Variants in AFG1L observed in about 807,000 individuals in gnomAD.
AFG1L encodes AFG1 like ATPase, also known as AFG1-like ATPase.
In AFG1L, 53 loss-of-function variants were observed where a neutral mutation model predicts 62.2. The ratio of observed to expected loss-of-function variants is 0.85; its 90% confidence interval spans 0.68 to 1.07. AFG1L has a LOEUF of 1.07. Ranked by LOEUF, AFG1L falls within the 50% of genes least tolerant of loss-of-function variation. AFG1L has a pLI of 0.00. For missense variants in AFG1L, 555 were observed against 590.5 expected (o/e 0.94, Z 0.62); for synonymous variants, 228 against 210.3 (o/e 1.08, Z -0.73).
chr6:108,448,435 T>C (rs1259236703), intron 8 of AFG1L, among the ~76,000 whole-genome samples: 3 of 152,184 alleles, frequency 2.0e-5, no homozygotes, highest in African/African-American at 7.2e-5. Flanking sequence ...AATGCATTAA[T>C]TAATTATTAT....
chr6:108,402,467 T>TA (rs55775052), intron 7 of AFG1L, among the ~76,000 whole-genome samples: 203 of 91,150 alleles, frequency 2.2e-3, no homozygotes, highest in South Asian at 5.2e-3. Flanking sequence ...CCGTCTCGAA[T>TA]AAAAAAAAAA....
At chr6:108,482,619 G>C (rs1412325939) in intron 10 of AFG1L, among the ~76,000 whole-genome samples, 1 of 151,874 alleles carries the variant, frequency 6.6e-6, no homozygotes, top group African/African-American at 2.4e-5. Context: ...GTCTCCTTAG[G>C]CTTCTCTTGG....
chr6:108,326,733 G>A (rs1046098546), intron 2 of AFG1L, among the ~76,000 whole-genome samples: 1 of 152,140 alleles, frequency 6.6e-6, no homozygotes, highest in Non-Finnish European at 1.5e-5. Flanking sequence ...GCCGAGGTGG[G>A]CAGATCACCT....
chr6:108,460,396 T>C (rs1177292308), intron 8 of AFG1L, among the ~76,000 whole-genome samples: 2 of 152,218 alleles, frequency 1.3e-5, no homozygotes, highest in Admixed American at 6.5e-5. Context: ...CTGTCTCCTA[T>C]AGACAGCATG....
At position 108,519,777 on chromosome 6, in the gene AFG1L, C is replaced by T. The variant is rs1210749775; in HGVS notation, c.1284C>T (p.Ser428=). Residue 428 remains serine (S), a synonymous_variant, in exon 12 of 13, where the codon AGC becomes AGT. Transcript: ENST00000368977. The stretch of plus-strand genomic sequence containing the variant: ...ATCATGACAGTGAGTTGGAGCAAAG[C>T]AGAATACTGATGGATGATTTGGGGC... The part of the protein sequence containing the change: ...HQHHDSELEQ[S]RILMDDLGLS... 1.2e-6 allele frequency: 2 copies of T among 1,612,766 alleles called. No homozygotes were observed. The highest frequency in any genetic ancestry group is 2.7e-5 in the African/African-American group (2 of 74,880).
At chr6:108,483,355 A>G (rs1268730815) in intron 10 of AFG1L, among the ~76,000 whole-genome samples, 2 of 152,212 alleles carry the variant, frequency 1.3e-5, no homozygotes, top group Non-Finnish European at 2.9e-5. Flanking sequence ...AAACACTGGG[A>G]GAAATAACCC....
At chr6:108,423,829 A>G (rs1582565152) in intron 7 of AFG1L, among the ~76,000 whole-genome samples, 1 of 152,074 alleles carries the variant, frequency 6.6e-6, no homozygotes, top group East Asian at 1.9e-4. Flanking sequence ...TTAAATGTGA[A>G]CTTTGTAATT....
chr6:108,367,753 G>A (rs1779818018), intron 6 of AFG1L, among the ~76,000 whole-genome samples: 1 of 152,180 alleles, frequency 6.6e-6, no homozygotes, highest in Non-Finnish European at 1.5e-5. Context: ...CAAGGAGGCA[G>A]GAAAGAGCAG....
chr6:108,402,142 C>CA, intron 7 of AFG1L, 88 bp downstream of exon 7: 2 of 634,904 alleles, frequency 3.2e-6, no homozygotes, highest in Non-Finnish European at 5.2e-6. Flanking sequence ...TCTTGGCATT[C>CA]AAGCAGAATT....
chr6:108,406,499 AT>A (rs1472862458), intron 7 of AFG1L, among the ~76,000 whole-genome samples: 1 of 152,080 alleles, frequency 6.6e-6, no homozygotes, highest in Non-Finnish European at 1.5e-5. Flanking sequence ...GTGCGGTGGC[AT>A]GATCTTGGCT....
At chr6:108,396,017 T>TTTTG (rs199590443) in intron 6 of AFG1L, among the ~76,000 whole-genome samples, 8 of 151,884 alleles carry the variant, frequency 5.3e-5, no homozygotes, top group Admixed American at 1.3e-4. Context: ...AGGTGTCTTT[T>TTTTG]TTTGTTTGTT....
chr6:108,496,717 A>G (rs1020862121), intron 10 of AFG1L, among the ~76,000 whole-genome samples: 17 of 151,268 alleles, frequency 1.1e-4, no homozygotes, highest in African/African-American at 3.9e-4. Flanking sequence ...TCCTTTGGAA[A>G]ATACTGACAA....
At chr6:108,325,438 CTTT>C (rs60856309) in intron 2 of AFG1L, among the ~76,000 whole-genome samples, 2 of 144,012 alleles carry the variant, frequency 1.4e-5, no homozygotes, top group Non-Finnish European at 1.5e-5. Flanking sequence ...GCTGTTTTGC[CTTT>C]TTTTTTTTTT....
Position 108,513,858 on chromosome 6 carries a change from C to T in AFG1L, c.1203+3506C>T, listed in dbSNP as rs60862045. Among the ~76,000 whole-genome samples the T allele has an allele frequency of 8.7e-3, 1,329 of 152,336 alleles. 29 individuals are homozygous for T. Among genetic ancestry groups the T allele is most frequent in the African/African-American group, 0.03 (1,231 of 41,576 alleles). On this transcript the variant is annotated intron_variant, in intron 11 of 12. Coordinates refer to ENST00000368977, the MANE Select transcript of AFG1L (RefSeq NM_145315.5). ...CCCCAAGTAGCCTAACTGGGAGGCA[C>T]GCCCCAGTAGGGGCAGACTGACACC...
chr6:108,423,667 CTAAA>C (rs1386427648), intron 7 of AFG1L, among the ~76,000 whole-genome samples: 4 of 151,930 alleles, frequency 2.6e-5, no homozygotes, highest in Admixed American at 2.6e-4. Context: ...AGTGTCACCT[CTAAA>C]TATATACACA....
intron 6 of AFG1L, among the ~76,000 whole-genome samples, chr6:108,386,017 G>A (rs1582487902): frequency 6.6e-6 from 1 of 152,304 alleles, no homozygotes; most frequent in East Asian, 1.9e-4. Context: ...GGAGGCTGAG[G>A]TTGGGGAATC....
rs1259968327 is a variant in AFG1L, at chr6:108,342,772, A to G, written c.364-4216A>G. Among the ~76,000 whole-genome samples the G allele has an allele frequency of 3.9e-5, 6 of 152,128 alleles. No homozygotes were observed. In the South Asian group the frequency reaches 8.3e-4, roughly 21 times the overall value. ...GTTTAGATAGACTATGTCTGTGTCTAATGATTCTCGTTAGGAGGGTATTCA... is the reference window on the plus strand; with the variant it reads ...GTTTAGATAGACTATGTCTGTGTCTGATGATTCTCGTTAGGAGGGTATTCA... On this transcript the variant is annotated intron_variant, in intron 2 of 12. Transcript: ENST00000368977.
rs984369005 is a variant in AFG1L at position 108,314,167 on chromosome 6, G to A, written c.140-9658G>A. 5.3e-5 allele frequency among the ~76,000 whole-genome samples: 8 copies of A among 152,070 alleles called. No individual in the cohort carries two copies. In the South Asian group the frequency reaches 1.5e-3, roughly 28 times the overall value. ...AATTGCTTGAACCCGGAAGGTGGAGGTTGCAGTCAGCTGAGATCGCTCCAT... is the reference window on the plus strand; with the variant it reads ...AATTGCTTGAACCCGGAAGGTGGAGATTGCAGTCAGCTGAGATCGCTCCAT... On this transcript the variant is annotated intron_variant, in intron 1 of 12. Coordinates refer to ENST00000368977, the MANE Select transcript of AFG1L (RefSeq NM_145315.5).
At chr6:108,363,269 T>A (rs1582441242) in intron 5 of AFG1L, among the ~76,000 whole-genome samples, 1 of 152,238 alleles carries the variant, frequency 6.6e-6, no homozygotes, top group Admixed American at 6.5e-5. Flanking sequence ...AGGTTTGTTA[T>A]ATAGGTAAAC....
Sources: gnomAD v4.1 joint callset for allele counts (sites outside exome capture counted in the v4.1 genomes callset) on GRCh38, gnomAD v4.1.1 for gene constraint, MANE v1.5 for transcripts, NCBI Gene and HGNC (gene_info 2026-07-23, HGNC 2026-07-21) for gene names.